Variants in ARL14EPL observed in about 807,000 individuals in gnomAD.
ARL14EPL encodes the protein ARF like GTPase 14 effector protein like.
Under a neutral mutation model 15.9 loss-of-function variants are expected in ARL14EPL, and 17 were observed. The observed-to-expected ratio is 1.07, with a 90% confidence interval of 0.73 to 1.60. ARL14EPL has a LOEUF of 1.60. Ranked by LOEUF, ARL14EPL falls within the 40% of genes most tolerant of loss-of-function variation. ARL14EPL has a pLI of 0.00. For missense variants in ARL14EPL, 214 were observed against 185.9 expected, an observed-to-expected ratio of 1.15 and a Z score of -0.88; for synonymous variants, 78 against 63.8, an observed-to-expected ratio of 1.22 and a Z score of -1.06.
chr5:116,043,203 G>A (rs1749196440), intron 1 of ARL14EPL, among the ~76,000 whole-genome samples: 1 of 143,822 alleles, frequency 7.0e-6, no homozygotes, highest in African/African-American at 2.5e-5. Flanking sequence ...TTGCGATTTT[G>A]CCATTGAAAG....
Position 116,051,575 on chromosome 5 carries a change from A to C in ARL14EPL, c.96+14A>C. 6.6e-7 allele frequency: 1 copy of C among 1,509,952 alleles called. No individual in the cohort carries two copies. Among genetic ancestry groups the C allele is most frequent in the South Asian group, 1.2e-5 (1 of 83,290 alleles). 93.5% of individuals were successfully genotyped at this position (1,509,952 alleles called of 1,614,324 possible). ...CAGAAACAACTGGTATGGCACACAGATTCTATGATTCCATGCTACTGGGGA... is the reference window on the plus strand; with the variant it reads ...CAGAAACAACTGGTATGGCACACAGCTTCTATGATTCCATGCTACTGGGGA... On this transcript the variant is annotated intron_variant, in intron 2 of 3. Transcript: ENST00000686077.
chr5:116,040,976 TCTC>T, intron 1 of ARL14EPL, among the ~76,000 whole-genome samples: 1 of 8,788 alleles, frequency 1.1e-4, no homozygotes, highest in Non-Finnish European at 2.8e-4. Context: ...CGAGATTCCC[TCTC>T]AAAAAAAAAA....
chr5:116,053,651 G>T (rs1749448653), intron 2 of ARL14EPL, among the ~76,000 whole-genome samples: 2 of 152,162 alleles, frequency 1.3e-5, no homozygotes, highest in Admixed American at 1.3e-4. Flanking sequence ...AGCCGAGGAA[G>T]GGCCTCTACT....
rs1580420275 is a variant in ARL14EPL, at chr5:116,059,063, A to G, written c.*116A>G. ...TATCGAAAAAACATACTGAAGACTC[A>G]TGTTCTGTCAAGCCCCAGAACAATG... is the stretch of plus-strand genomic sequence containing the variant. On this transcript the variant is annotated 3_prime_UTR_variant, in exon 4 of 4. Coordinates refer to ENST00000686077, the MANE Select transcript of ARL14EPL (RefSeq NM_001195581.2). 1 of 924,576 alleles carries G rather than the reference A, an allele frequency of 1.1e-6. No homozygotes were observed. Among genetic ancestry groups the G allele is most frequent in the African/African-American group, 1.6e-5 (1 of 60,956 alleles). The allele number at this position is 924,576 out of a possible 1,614,324, so 57.3% of individuals were successfully genotyped here.
At chr5:116,040,724 T>C (rs1385223529) in intron 1 of ARL14EPL, among the ~76,000 whole-genome samples, 1 of 151,052 alleles carries the variant, frequency 6.6e-6, no homozygotes, top group Non-Finnish European at 1.5e-5. Context: ...AGAGTTTTTA[T>C]GCTGTTTGGG....
At chr5:116,039,360 C>G (rs775660667) in intron 1 of ARL14EPL, among the ~76,000 whole-genome samples, 6 of 152,076 alleles carry the variant, frequency 3.9e-5, no homozygotes, top group Non-Finnish European at 7.4e-5. Context: ...ACAAAGGTAT[C>G]AGGAAAATCA....
intron 3 of ARL14EPL, among the ~76,000 whole-genome samples, chr5:116,057,399 T>G: frequency 7.0e-6 from 1 of 142,352 alleles, no homozygotes. Context: ...CATGATTTGA[T>G]GTGTATAATT....
chr5:116,052,417 T>C, intron 2 of ARL14EPL: 1 of 636,036 alleles, frequency 1.6e-6, no homozygotes, highest in Non-Finnish European at 2.8e-6. Context: ...AAACTGTATG[T>C]ATTAACTCAT....
chr5:116,055,638 C>CAT (rs139682529), intron 3 of ARL14EPL, among the ~76,000 whole-genome samples: 92 of 150,624 alleles, frequency 6.1e-4, no homozygotes, highest in African/African-American at 1.5e-3. Context: ...TATATATATA[C>CAT]ATATATATAT....
intron 1 of ARL14EPL, among the ~76,000 whole-genome samples, chr5:116,048,168 A>G (rs1278072094): frequency 2.0e-5 from 3 of 152,130 alleles, no homozygotes; most frequent in East Asian, 3.9e-4. Flanking sequence ...TTGTGTTAGA[A>G]CACTTTATGG....
intron 3 of ARL14EPL, among the ~76,000 whole-genome samples, chr5:116,057,308 AC>A (rs1749541896): frequency 6.6e-6 from 1 of 151,360 alleles, no homozygotes; most frequent in Admixed American, 6.6e-5. Context: ...CTGCTGTAAC[AC>A]TCTTTTGTTA....
At position 116,040,787 on chromosome 5, in the gene ARL14EPL, G is replaced by T. The variant is rs556420982; in HGVS notation, c.-10+8282G>T. 2.7e-5 allele frequency among the ~76,000 whole-genome samples: 4 copies of T among 148,670 alleles called. No homozygotes were observed. In the East Asian group the frequency reaches 7.8e-4, roughly 29 times the overall value. On this transcript the variant is annotated intron_variant, in intron 1 of 3. Coordinates refer to ENST00000686077, the MANE Select transcript of ARL14EPL (RefSeq NM_001195581.2). Reference sequence around the variant, plus strand: ...ATATCGAGACCATCCTGGCTAACACGGTGAAACCCCGTCTCTACTAAAAAT... The same window carrying T: ...ATATCGAGACCATCCTGGCTAACACTGTGAAACCCCGTCTCTACTAAAAAT...
chr5:116,048,444 A>G (rs939358447), intron 1 of ARL14EPL, among the ~76,000 whole-genome samples: 3 of 152,152 alleles, frequency 2.0e-5, no homozygotes, highest in Non-Finnish European at 4.4e-5. Flanking sequence ...TCCCTTTGGC[A>G]GACAGTGATA....
Position 116,058,388 on chromosome 5 carries a change from T to C in ARL14EPL, c.237-337T>C, listed in dbSNP as rs182615658. Among the ~76,000 whole-genome samples the C allele has an allele frequency of 2.0e-5, 3 of 152,350 alleles. No individual in the cohort carries two copies. In the East Asian group the frequency reaches 5.8e-4, roughly 29 times the overall value. On this transcript the variant is annotated intron_variant, in intron 3 of 3. Transcript: ENST00000686077. ...TGGGGGCATTTGTAGGAGGAAGCTT[T>C]AGTTAGCTATTCCTCATAATTTTCT...
At chr5:116,047,860 T>C (rs575163621) in intron 1 of ARL14EPL, among the ~76,000 whole-genome samples, 2 of 152,164 alleles carry the variant, frequency 1.3e-5, no homozygotes, top group African/African-American at 2.4e-5. Context: ...TAACCCACCT[T>C]GGGGAAGAGG....
Position 116,051,923 on chromosome 5 carries a change from C to A in ARL14EPL, c.96+362C>A, listed in dbSNP as rs953910521. 1.1e-5 allele frequency: 18 copies of A among 1,595,744 alleles called. 1 individual carries two copies. The African/African-American group carries it at 2.4e-4, about 21-fold the overall frequency. On this transcript the variant is annotated intron_variant, in intron 2 of 3. Coordinates refer to ENST00000686077, the MANE Select transcript of ARL14EPL (RefSeq NM_001195581.2). ...GGTTGGACCTATTCATGCATCTTCA[C>A]CAGCAGCTGGAGCATCTCCACCCTT...
chr5:116,050,113 A>G (rs1481579565), intron 1 of ARL14EPL, among the ~76,000 whole-genome samples: 1 of 152,242 alleles, frequency 6.6e-6, no homozygotes. Flanking sequence ...AAGGAGAAAT[A>G]ACAAGGTGAT....
chr5:116,035,262 A>C (rs1025284840), intron 1 of ARL14EPL, among the ~76,000 whole-genome samples: 3 of 152,202 alleles, frequency 2.0e-5, no homozygotes, highest in Non-Finnish European at 4.4e-5. Flanking sequence ...TATTATCCTC[A>C]CAATGGTTAA....
chr5:116,041,990 G>A (rs1025144061), intron 1 of ARL14EPL, among the ~76,000 whole-genome samples: 18 of 151,996 alleles, frequency 1.2e-4, no homozygotes, highest in African/African-American at 4.4e-4. Flanking sequence ...CACTATGCTC[G>A]GCTAATTTTT....
Sources: allele counts gnomAD v4.1 joint callset (sites outside exome capture counted in the v4.1 genomes callset), GRCh38; gene constraint gnomAD v4.1.1; transcripts MANE v1.5; gene names NCBI Gene and HGNC (gene_info 2026-07-23, HGNC 2026-07-21).